MCMBP: variants seen among roughly 807,000 people sequenced by gnomAD.
MCMBP encodes minichromosome maintenance complex binding protein, also known as mini-chromosome maintenance complex-binding protein.
MCMBP carries 31 observed loss-of-function variants against 81.3 expected under a neutral mutation model. That is an observed-to-expected ratio of 0.38 (90% CI 0.29 to 0.51). MCMBP has a LOEUF of 0.51. MCMBP is among the 20% of genes least tolerant of loss of function. The pLI is 0.87. For missense variants in MCMBP, 645 were observed against 772.1 expected (o/e 0.84, Z 1.95); for synonymous variants, 267 against 275.9 (o/e 0.97, Z 0.32).
At chr10:119,846,782 T>C (rs1422026813) in intron 8 of MCMBP, among the ~76,000 whole-genome samples, 2 of 152,154 alleles carry the variant, frequency 1.3e-5, no homozygotes, top group Non-Finnish European at 2.9e-5. Flanking sequence ...GTCTGCTCTC[T>C]ACCACGTGAG....
chr10:119,849,629 A>G, intron 6 of MCMBP, 53 bp from the exon 7 acceptor site: 1 of 1,485,232 alleles, frequency 6.7e-7, no homozygotes, highest in South Asian at 1.4e-5. Flanking sequence ...CTCCTGGAGA[A>G]AAAGAACATT....
In MCMBP at chr10:119,829,984, T is replaced by C. The variant is rs1851945384; in HGVS notation, c.*1490A>G. 1 of 152,672 alleles carries C rather than the reference T, an allele frequency of 6.5e-6. No individual in the cohort carries two copies. The highest frequency in any genetic ancestry group is 2.1e-4 in the South Asian group (1 of 4,830). The allele number at this position is 152,672 out of a possible 1,614,324, so 9.5% of individuals were successfully genotyped here. On this transcript the variant is annotated 3_prime_UTR_variant, in exon 16 of 16. Transcript: ENST00000369077. ...TTATCCTCACAAATCCAGTGAAGCC[T>C]TCATTTTATTTCTAAAAGTTTAAGG...
At chr10:119,840,822 A>T in intron 11 of MCMBP, 21 bp downstream of exon 11, 1 of 1,398,172 alleles carries the variant, frequency 7.2e-7, no homozygotes, top group South Asian at 1.3e-5. Flanking sequence ...GGTTTATAAT[A>T]CATATTTATA....
intron 7 of MCMBP, among the ~76,000 whole-genome samples, chr10:119,848,167 A>T (rs79707299): frequency 4.7e-5 from 4 of 85,384 alleles, no homozygotes; most frequent in Admixed American, 3.2e-4. Context: ...TTCACAATTT[A>T]AAAAAAAAAA....
At chr10:119,857,303 C>T in intron 5 of MCMBP, 35 bp downstream of exon 5, 2 of 1,453,126 alleles carry the variant, frequency 1.4e-6, no homozygotes, top group Non-Finnish European at 1.9e-6. Flanking sequence ...TTTTAGAAAC[C>T]ATCAACACAG....
intron 1 of MCMBP, among the ~76,000 whole-genome samples, chr10:119,865,219 T>C (rs1244101255): frequency 6.6e-6 from 1 of 152,248 alleles, no homozygotes; most frequent in African/African-American, 2.4e-5. Context: ...GGTGCATATA[T>C]AGTTAGGTCT....
intron 1 of MCMBP, among the ~76,000 whole-genome samples, chr10:119,867,455 A>G (rs1472943425): frequency 1.3e-5 from 2 of 152,074 alleles, no homozygotes; most frequent in African/African-American, 4.8e-5. Context: ...TGCCGGAGCT[A>G]TTCTTCTTCT....
chr10:119,843,014 A>C, intron 9 of MCMBP: 1 of 450,268 alleles, frequency 2.2e-6, no homozygotes, highest in Non-Finnish European at 4.1e-6. Context: ...TGGCCTCCTA[A>C]AGTGCTAAGA....
intron 5 of MCMBP, among the ~76,000 whole-genome samples, chr10:119,853,409 A>G (rs1009062058): frequency 1.3e-5 from 2 of 152,220 alleles, no homozygotes; most frequent in Non-Finnish European, 2.9e-5. Context: ...GTAACTGGAC[A>G]AAATATGTGA....
intron 9 of MCMBP, 174 bp from the exon 10 acceptor site, chr10:119,842,769 T>C (rs1006737031): frequency 8.5e-5 from 27 of 316,992 alleles, no homozygotes; most frequent in Admixed American, 1.2e-4. Flanking sequence ...GCATCCTCCT[T>C]TTTTTTTTTT....
At chr10:119,864,159 G>A (rs974319883) in intron 1 of MCMBP, among the ~76,000 whole-genome samples, 2 of 152,190 alleles carry the variant, frequency 1.3e-5, no homozygotes, top group Non-Finnish European at 2.9e-5. Context: ...AGAAATGTGG[G>A]CAGACTCTAG....
intron 13 of MCMBP, among the ~76,000 whole-genome samples, chr10:119,836,101 T>A (rs977803870): frequency 1.3e-5 from 2 of 152,254 alleles, no homozygotes; most frequent in Admixed American, 6.5e-5. Flanking sequence ...CCCAAAGTGC[T>A]AGGATTACAG....
chr10:119,861,492 T>C (rs1019465408), intron 1 of MCMBP, among the ~76,000 whole-genome samples: 15 of 152,096 alleles, frequency 9.9e-5, no homozygotes, highest in South Asian at 4.2e-4. Context: ...ATAATGCACA[T>C]TGAAGTTTAA....
intron 6 of MCMBP, among the ~76,000 whole-genome samples, chr10:119,850,404 T>A (rs902141828): frequency 2.0e-5 from 3 of 152,068 alleles, no homozygotes; most frequent in Non-Finnish European, 2.9e-5. Flanking sequence ...TAATGAAATA[T>A]TCCCGATTTT....
upstream of MCMBP, chr10:119,872,892 C>G (rs1427252981): frequency 6.5e-6 from 1 of 153,114 alleles, no homozygotes; most frequent in Non-Finnish European, 1.5e-5. Flanking sequence ...CTGGGTGGAG[C>G]TCGCGTGGGG....
At position 119,838,683 on chromosome 10, in the gene MCMBP, C is replaced by T; in HGVS notation, c.1260G>A (p.Met420Ile). 1 of 1,607,024 alleles carries T rather than the reference C, an allele frequency of 6.2e-7. No individual in the cohort carries two copies. Among genetic ancestry groups the T allele is most frequent in the Non-Finnish European group, 8.5e-7 (1 of 1,175,256 alleles). The change falls in exon 12 of 16, where the codon ATG (methionine) becomes ATA (isoleucine). Residue 420 changes from methionine (M) to isoleucine (I), a missense_variant. Transcript: ENST00000369077. ...TCAAATGGTTCATGTTCTCTATAGT[C>T]ATCTGCAGACGAAAAGACTGCAAAG... Reference protein sequence around the residue: ...HLVPASFRLQMTIENMNHLKF... With the variant: ...HLVPASFRLQITIENMNHLKF...
intron 1 of MCMBP, among the ~76,000 whole-genome samples, chr10:119,866,807 C>T (rs1292463061): frequency 6.6e-6 from 1 of 151,802 alleles, no homozygotes; most frequent in Non-Finnish European, 1.5e-5. Context: ...TACGAAAATA[C>T]AAAAAGTTAG....
chr10:119,865,629 C>T (rs1323878218), intron 1 of MCMBP, among the ~76,000 whole-genome samples: 1 of 152,066 alleles, frequency 6.6e-6, no homozygotes, highest in South Asian at 2.1e-4. Context: ...TGGGAAAGAA[C>T]CAAAAAGCTT....
chr10:119,873,238 CTTT>C (rs761223607), upstream of MCMBP, among the ~76,000 whole-genome samples: 5 of 151,988 alleles, frequency 3.3e-5, no homozygotes, highest in African/African-American at 4.8e-5. Context: ...CTCTTCGTGC[CTTT>C]TTTTTCTTTT....
Sources: gnomAD v4.1 joint callset for allele counts (sites outside exome capture counted in the v4.1 genomes callset) on GRCh38, gnomAD v4.1.1 for gene constraint, MANE v1.5 for transcripts, NCBI Gene and HGNC (gene_info 2026-07-23, HGNC 2026-07-21) for gene names.